KCNK10: variants seen among roughly 807,000 people sequenced by gnomAD.
KCNK10 encodes the protein potassium two pore domain channel subfamily K member 10.
KCNK10 carries 25 observed loss-of-function variants against 47.7 expected under a neutral mutation model. The observed-to-expected ratio is 0.52, with a 90% CI of 0.38 to 0.73. The LOEUF is 0.73. Among genes scored for constraint, KCNK10 ranks in the 30% least tolerant of loss-of-function variants. The probability of loss-of-function intolerance (pLI) is 0.00; values close to 1 mark genes in which losing one functional copy is unlikely to be tolerated. For missense variants in KCNK10, 563 were observed against 714.5 expected, an observed-to-expected ratio of 0.79 and a Z score of 2.42; for synonymous variants, 303 against 285.6, an observed-to-expected ratio of 1.06 and a Z score of -0.61.
chr14:88,304,496 G>A (rs535368619), intron 1 of KCNK10, among the ~76,000 whole-genome samples: 7 of 152,226 alleles, frequency 4.6e-5, no homozygotes, highest in African/African-American at 1.7e-4. Context: ...GCAGTCATTC[G>A]CAGTCATGCA....
intron 1 of KCNK10, among the ~76,000 whole-genome samples, chr14:88,280,945 C>T (rs1462440065): frequency 3.3e-5 from 5 of 152,194 alleles, no homozygotes; most frequent in Non-Finnish European, 7.3e-5. Context: ...CAGTGCCTCT[C>T]ATCACTGCAT....
chr14:88,222,221 G>A (rs1212400533), intron 4 of KCNK10, among the ~76,000 whole-genome samples: 1 of 152,130 alleles, frequency 6.6e-6, no homozygotes, highest in Non-Finnish European at 1.5e-5. Context: ...AATAGCACAG[G>A]AAAGACTGGC....
Position 88,322,816 on chromosome 14 carries a change from G to C in KCNK10, c.-18C>G, listed in dbSNP as rs1888576687. 1 of 1,614,058 alleles carries C rather than the reference G, an allele frequency of 6.2e-7. No individual in the cohort carries two copies. The highest frequency in any genetic ancestry group is 1.1e-5 in the South Asian group (1 of 91,082). On this transcript the variant is annotated 5_prime_UTR_variant, in exon 1 of 7. Coordinates refer to ENST00000319231, the MANE Select transcript of KCNK10 (RefSeq NM_138317.3). This position sits in a 1 kb window ranked among gnomAD's most constrained non-coding sequence, Gnocchi z 4.8. ...AATTTCATTGCTTCGTTGCCCAGAA[G>C]GGGAAGAAATGAAAAGAACCCAAAT...
In KCNK10 at chr14:88,322,886, A is replaced by G. The variant is rs1888578160; in HGVS notation, c.-88T>C. The G allele has an allele frequency of 6.2e-7, 1 of 1,601,800 alleles. No individual in the cohort carries two copies. On this transcript the variant is annotated 5_prime_UTR_variant, in exon 1 of 7. Transcript: ENST00000319231. This position sits in a 1 kb window ranked among gnomAD's most constrained non-coding sequence, Gnocchi z 4.8. ...TTTACACGCCTCGGTTTAGCAGTCC[A>G]ACAAAACAATTTCCGAGGATGGGGG... is the stretch of plus-strand genomic sequence containing the variant.
chr14:88,182,012 G>A lies in KCNK10; in HGVS notation c.*3523C>T, dbSNP rs72698032. The A allele has an allele frequency of 0.02, 2,993 of 151,198 alleles. 55 individuals carry two copies. Among genetic ancestry groups the A allele is most frequent in the Middle Eastern group, 0.036 (11 of 304 alleles). The allele number at this position is 151,198 out of a possible 1,614,324, so 9.4% of individuals were successfully genotyped here. ...CTAGTTACCTTAGTAACAGGCCAGA[G>A]ATGGCCCAACACCACCCCAACCCGC... On this transcript the variant is annotated 3_prime_UTR_variant, in exon 7 of 7. Coordinates refer to ENST00000319231, the MANE Select transcript of KCNK10 (RefSeq NM_138317.3).
chr14:88,188,204 C>T, intron 5 of KCNK10, 95 bp from the exon 6 acceptor site: 1 of 1,383,810 alleles, frequency 7.2e-7, no homozygotes, highest in Non-Finnish European at 1.0e-6. Context: ...CGTCATCCAT[C>T]ATTGTTTAAC....
At chr14:88,238,647 G>A (rs1489474273) in intron 3 of KCNK10, among the ~76,000 whole-genome samples, 1 of 152,164 alleles carries the variant, frequency 6.6e-6, no homozygotes, top group African/African-American at 2.4e-5. Flanking sequence ...GCACTCCTGC[G>A]TGGGTGACAC....
At chr14:88,272,259 T>C (rs1226286567) in intron 1 of KCNK10, among the ~76,000 whole-genome samples, 1 of 152,072 alleles carries the variant, frequency 6.6e-6, no homozygotes, top group East Asian at 1.9e-4. Context: ...GTCCACATTA[T>C]TAGGAGGTGA....
intron 1 of KCNK10, chr14:88,270,933 A>T: frequency 1.4e-6 from 1 of 718,038 alleles, no homozygotes; most frequent in Non-Finnish European, 2.6e-6. Context: ...CCCTTCCAGG[A>T]CCTGGCGCCT....
intron 2 of KCNK10, among the ~76,000 whole-genome samples, chr14:88,244,793 G>T (rs893574596): frequency 5.9e-5 from 9 of 152,202 alleles, no homozygotes; most frequent in African/African-American, 2.2e-4. Context: ...TAGCTCAAAA[G>T]ATGTTACAGG....
intron 1 of KCNK10, among the ~76,000 whole-genome samples, chr14:88,272,640 C>G (rs1887432794): frequency 6.6e-6 from 1 of 151,828 alleles, no homozygotes; most frequent in African/African-American, 2.4e-5. Flanking sequence ...TCTTGTTGGT[C>G]TTATTAATGA....
chr14:88,268,565 T>C (rs903857271), intron 1 of KCNK10, among the ~76,000 whole-genome samples: 38 of 152,108 alleles, frequency 2.5e-4, no homozygotes, highest in Admixed American at 7.9e-4. Context: ...AGAGGAAACA[T>C]AGCAATTCCA....
intron 4 of KCNK10, among the ~76,000 whole-genome samples, chr14:88,207,812 T>C (rs892670867): frequency 6.6e-6 from 1 of 151,854 alleles, no homozygotes; most frequent in African/African-American, 2.4e-5. Flanking sequence ...ATCAATACAG[T>C]GAGATGAATG....
At chr14:88,293,479 A>AT (rs1887921266) in intron 1 of KCNK10, among the ~76,000 whole-genome samples, 1 of 152,060 alleles carries the variant, frequency 6.6e-6, no homozygotes, top group African/African-American at 2.4e-5. Context: ...ATTTTTAATT[A>AT]TTTTCCTTAC....
intron 4 of KCNK10, among the ~76,000 whole-genome samples, chr14:88,218,699 A>G (rs1366780792): frequency 6.6e-6 from 1 of 152,140 alleles, no homozygotes; most frequent in Non-Finnish European, 1.5e-5. Context: ...AGAAAATGAG[A>G]ATCAGTCCAG....
At chr14:88,297,900 C>T (rs2139787221) in intron 1 of KCNK10, among the ~76,000 whole-genome samples, 1 of 152,314 alleles carries the variant, frequency 6.6e-6, no homozygotes, top group Admixed American at 6.5e-5. Flanking sequence ...GAGGAAATTT[C>T]CAGTGGGCCA....
At chr14:88,304,764 T>C (rs1389780745) in intron 1 of KCNK10, among the ~76,000 whole-genome samples, 1 of 152,234 alleles carries the variant, frequency 6.6e-6, no homozygotes, top group Non-Finnish European at 1.5e-5. Flanking sequence ...GGAGAAAATA[T>C]GTGTGTTAGA....
chr14:88,258,201 A>G (rs1243386110), intron 2 of KCNK10, among the ~76,000 whole-genome samples: 1 of 152,072 alleles, frequency 6.6e-6, no homozygotes, highest in African/African-American at 2.4e-5. Context: ...AGCCTTTCTC[A>G]TGAATTACTG....
At chr14:88,207,834 G>T (rs1595081170) in intron 4 of KCNK10, among the ~76,000 whole-genome samples, 1 of 151,722 alleles carries the variant, frequency 6.6e-6, no homozygotes, top group East Asian at 1.9e-4. Flanking sequence ...TATTCTTGGG[G>T]TCTACAAGAT....
Sources: allele counts gnomAD v4.1 joint callset (sites outside exome capture counted in the v4.1 genomes callset), GRCh38; gene constraint gnomAD v4.1.1; non-coding constraint Gnocchi (gnomAD v3.1); transcripts MANE v1.5; gene names NCBI Gene and HGNC (gene_info 2026-07-23, HGNC 2026-07-21).